RGS3: variants seen among roughly 807,000 people sequenced by gnomAD.
RGS3 encodes regulator of G-protein signalling 3.
Under a neutral mutation model 132.6 loss-of-function variants are expected in RGS3, and 80 were observed. The ratio of observed to expected loss-of-function variants is 0.60; its 90% CI spans 0.50 to 0.73. The LOEUF (loss-of-function observed/expected upper bound fraction) is 0.73, where lower values mean the gene tolerates loss of function less well. RGS3 is among the 30% of genes least tolerant of loss of function. The pLI is 0.00. For synonymous variants in RGS3, 598 were observed against 620.6 expected (o/e 0.96, Z 0.54); for missense variants, 1,382 against 1,530.8 (o/e 0.90, Z 1.62).
intron 10 of RGS3, among the ~76,000 whole-genome samples, chr9:113,498,849 G>A (rs1165748445): frequency 1.3e-5 from 2 of 150,930 alleles, no homozygotes; most frequent in African/African-American, 2.4e-5. Context: ...CCCAGGCAGC[G>A]GAGGTTGCAG....
intron 1 of RGS3, among the ~76,000 whole-genome samples, chr9:113,454,909 G>A (rs1182108985): frequency 6.6e-6 from 1 of 151,916 alleles, no homozygotes; most frequent in East Asian, 1.9e-4. Flanking sequence ...CCCAGCCTTG[G>A]GATACTTTCC....
intron 14 of RGS3, among the ~76,000 whole-genome samples, chr9:113,510,401 T>C (rs10481676): frequency 0.12 from 18,036 of 152,196 alleles, 1,275 homozygotes; most frequent in African/African-American, 0.19. Context: ...GGGCCTGGCT[T>C]ATTTCTGTAG....
chr9:113,501,583 C>A, intron 10 of RGS3: 1 of 1,555,392 alleles, frequency 6.4e-7, no homozygotes. Flanking sequence ...AGCCATGAAC[C>A]GCTTCAATGG....
intron 13 of RGS3, 94 bp from the exon 12 acceptor site, chr9:113,508,447 T>C (rs1459034899): frequency 8.2e-6 from 11 of 1,342,548 alleles, no homozygotes; most frequent in Admixed American, 1.7e-5. Flanking sequence ...GGTGCTCCAC[T>C]TCCTCTCCCC....
intron 19 of RGS3, among the ~76,000 whole-genome samples, chr9:113,555,051 C>T (rs189262737): frequency 6.6e-4 from 101 of 152,258 alleles, no homozygotes; most frequent in Admixed American, 6.2e-3. Context: ...TTTTCCAACC[C>T]GATTTTTTTG....
Position 113,540,695 on chromosome 9 carries a change from C to T in RGS3, c.2037+3777C>T, listed in dbSNP as rs1328738038. 5.9e-5 allele frequency among the ~76,000 whole-genome samples: 9 copies of T among 152,184 alleles called. No individual in the cohort carries two copies. The South Asian group carries it at 6.2e-4, about 11-fold the overall frequency. ...TTCTCAGGGCAGGTCCTGTGCTCCA[C>T]GGGGAGGGACGCACAGAGCAATCCA... On this transcript the variant is annotated intron_variant, in intron 19 of 24. Coordinates refer to ENST00000350696, the Ensembl canonical transcript of RGS3.
At chr9:113,488,552 T>A (rs1251893237) in intron 7 of RGS3, among the ~76,000 whole-genome samples, 2 of 152,094 alleles carry the variant, frequency 1.3e-5, no homozygotes, top group African/African-American at 4.8e-5. Context: ...AGAAAGCCCT[T>A]TGGGTGGAGG....
intron 3 of RGS3, 153 bp from the exon 2 acceptor site, chr9:113,479,338 T>TG (rs1314337000): frequency 7.9e-6 from 6 of 763,152 alleles, no homozygotes; most frequent in Non-Finnish European, 1.2e-5. Context: ...CTGAACCCTG[T>TG]GGCTTCTGAG....
In RGS3 at chr9:113,463,583, C is replaced by T. The variant is rs1829525682; in HGVS notation, c.415+1382C>T. 4 of 869,636 alleles carry T rather than the reference C, an allele frequency of 4.6e-6. No homozygotes were observed. The highest frequency in any genetic ancestry group is 6.2e-6 in the Non-Finnish European group (4 of 640,746). The allele number at this position is 869,636 out of a possible 1,614,324, so 53.9% of individuals were successfully genotyped here. A position where few individuals can be genotyped will look rare whatever the true frequency, so the allele number is the denominator to read the frequency against. ...GCTGCTCAGCGCGGGTCGGCGGCGCCGCCTCCCCCACCCCGGCCCAGCTCT... is the reference window on the plus strand; with the variant it reads ...GCTGCTCAGCGCGGGTCGGCGGCGCTGCCTCCCCCACCCCGGCCCAGCTCT... On this transcript the variant is annotated intron_variant, in intron 3 of 24. Coordinates refer to ENST00000350696, the Ensembl canonical transcript of RGS3. The surrounding 1 kb of genome is among the most constrained non-coding windows in gnomAD (Gnocchi z 4.6).
intron 14 of RGS3, among the ~76,000 whole-genome samples, chr9:113,511,247 G>A (rs1043404495): frequency 4.6e-5 from 7 of 152,328 alleles, no homozygotes; most frequent in Admixed American, 1.3e-4. Flanking sequence ...GAATCTGGGA[G>A]CAAAGCCCTG....
intron 19 of RGS3, among the ~76,000 whole-genome samples, chr9:113,550,543 C>G (rs1481767866): frequency 1.3e-5 from 2 of 152,296 alleles, no homozygotes; most frequent in East Asian, 3.9e-4. Flanking sequence ...AATTGACTAG[C>G]TCATCCTACT....
intron 18 of RGS3, 100 bp downstream of exon 16, chr9:113,529,364 C>T (rs1832365853): frequency 1.9e-6 from 2 of 1,032,614 alleles, no homozygotes; most frequent in Non-Finnish European, 3.0e-6. Flanking sequence ...ATGCCAGCCT[C>T]CATACCCACT....
At chr9:113,450,272 C>T (rs1320078572) in intron 1 of RGS3, among the ~76,000 whole-genome samples, 6 of 151,126 alleles carry the variant, frequency 4.0e-5, no homozygotes, top group South Asian at 4.2e-4. Context: ...GGGGTTTCAC[C>T]GTATTAGCCA....
intron 19 of RGS3, among the ~76,000 whole-genome samples, chr9:113,555,616 G>A (rs1336468519): frequency 1.8e-4 from 27 of 152,112 alleles, no homozygotes; most frequent in Admixed American, 1.4e-3. Context: ...ACAGGCGCCC[G>A]CCACCACGCC....
exon 15 of RGS3, chr9:113,514,523 A>G (rs1831556026): frequency 6.2e-7 from 1 of 1,614,220 alleles, no homozygotes; most frequent in African/African-American, 1.3e-5. Flanking sequence ...GCTGATGAAG[A>G]CAGTGCAGAC....
rs1214919614 is a variant in RGS3 at position 113,595,580 on chromosome 9, G to GGATCC, written c.3245-17_3245-13dup. 1.2e-6 allele frequency: 2 copies of GGATCC among 1,611,140 alleles called. No individual in the cohort carries two copies. Among genetic ancestry groups the GGATCC allele is most frequent in the African/African-American group, 2.7e-5 (2 of 75,008 alleles). On this transcript the variant is annotated intron_variant, in intron 23 of 24. Coordinates refer to ENST00000350696, the Ensembl canonical transcript of RGS3. Reference sequence around the variant, plus strand: ...GAGGCTGAGTTTGCCTCTTACCCCAGGATCCGTTCTCCTCACAGACGGGTT... The same window carrying GGATCC: ...GAGGCTGAGTTTGCCTCTTACCCCAGGATCCGATCCGTTCTCCTCACAGACGGGTT...
chr9:113,480,380 A>C (rs982470940), intron 4 of RGS3, among the ~76,000 whole-genome samples: 3 of 148,768 alleles, frequency 2.0e-5, no homozygotes, highest in African/African-American at 5.0e-5. Context: ...AATTGCTAGA[A>C]CCCAGGAGGT....
chr9:113,514,948 T>C (rs919738557), intron 15 of RGS3, among the ~76,000 whole-genome samples: 1 of 152,074 alleles, frequency 6.6e-6, no homozygotes, highest in Non-Finnish European at 1.5e-5. Flanking sequence ...CCCAGCTGCT[T>C]GTTGCCATGT....
intron 20 of RGS3, among the ~76,000 whole-genome samples, chr9:113,587,400 A>G (rs1332827268): frequency 1.3e-5 from 2 of 152,116 alleles, no homozygotes; most frequent in African/African-American, 4.8e-5. Flanking sequence ...CAGGCTGTGG[A>G]GTCAGACAGA....
Sources: allele counts gnomAD v4.1 joint callset (sites outside exome capture counted in the v4.1 genomes callset), GRCh38; gene constraint gnomAD v4.1.1; non-coding constraint Gnocchi (gnomAD v3.1); transcripts MANE v1.5; gene names NCBI Gene and HGNC (gene_info 2026-07-23, HGNC 2026-07-21).